DYRK1A: variants seen among roughly 807,000 people sequenced by gnomAD.
DYRK1A encodes dual specificity tyrosine-phosphorylation-regulated kinase 1A.
In DYRK1A, 9 loss-of-function variants were observed where a neutral mutation model predicts 79.7. The ratio of observed to expected loss-of-function variants is 0.11; its 90% CI spans 0.07 to 0.20. The LOEUF (loss-of-function observed/expected upper bound fraction) is 0.20. Among genes scored for constraint, DYRK1A ranks in the 10% least tolerant of loss-of-function variants. The pLI is 1.00. For missense variants in DYRK1A, 622 were observed against 956.0 expected (o/e 0.65, Z 4.61); for synonymous variants, 349 against 329.7 (o/e 1.06, Z -0.63).
At chr21:37,470,145 AAAAT>A (rs1199661055) in intron 2 of DYRK1A, among the ~76,000 whole-genome samples, 1 of 152,168 alleles carries the variant, frequency 6.6e-6, no homozygotes, top group Admixed American at 6.5e-5. Context: ...CTCTGTCTCA[AAAAT>A]AAATAAATAA....
rs2148669997 is a variant in DYRK1A, at chr21:37,516,841, C to T, written c.*4310C>T. 6.6e-6 allele frequency: 1 copy of T among 152,288 alleles called. No individual in the cohort carries two copies. The highest frequency in any genetic ancestry group is 1.9e-4 in the East Asian group (1 of 5,186). The allele number at this position is 152,288 out of a possible 1,614,324, so 9.4% of individuals were successfully genotyped here. On this transcript the variant is annotated 3_prime_UTR_variant, in exon 12 of 12. Coordinates refer to ENST00000647188, the MANE Select transcript of DYRK1A (RefSeq NM_001347721.2). ...TTTGTCAGTATTTATTTCTAATTTC[C>T]TACTTTAAATCTTAGGAGACAAAGT... is the stretch of plus-strand genomic sequence containing the variant.
chr21:37,440,192 G>A (rs562589921), intron 2 of DYRK1A, among the ~76,000 whole-genome samples: 4 of 113,992 alleles, frequency 3.5e-5, no homozygotes, highest in Admixed American at 2.3e-4. Context: ...CTGGAGTGCA[G>A]TGGTGTGATC....
intron 2 of DYRK1A, among the ~76,000 whole-genome samples, chr21:37,464,539 C>T (rs1291803305): frequency 3.3e-5 from 5 of 152,192 alleles, no homozygotes; most frequent in African/African-American, 4.8e-5. Flanking sequence ...TTTGGAACTG[C>T]ACTCCAAATG....
Position 37,512,277 on chromosome 21 carries a change from T to C in DYRK1A, c.2011T>C (p.Tyr671His), listed in dbSNP as rs1019836603. ...SSTGNQGNQA[Y>H]QNRPVAANTL... ...TACTGGTAACCAAGGCAATCAGGCCTACCAGAATCGCCCAGTGGCTGCTAA... is the reference window on the plus strand; with the variant it reads ...TACTGGTAACCAAGGCAATCAGGCCCACCAGAATCGCCCAGTGGCTGCTAA... The change falls in exon 12 of 12, where the codon TAC (tyrosine) becomes CAC (histidine). Residue 671 changes from tyrosine to histidine, a missense_variant. By Grantham distance (83) the Tyr-to-His change is moderately conservative. Around this residue, in one of 5 missense-constraint regions of DYRK1A, gnomAD observed 292 missense variants for 316.7 expected, o/e 0.92. Transcript: ENST00000647188. 6.2e-7 allele frequency: 1 copy of C among 1,614,144 alleles called. No individual in the cohort carries two copies. The highest frequency in any genetic ancestry group is 1.3e-5 in the African/African-American group (1 of 74,938).
chr21:37,502,967 G>C (rs1019268063), intron 9 of DYRK1A: 1 of 152,182 alleles, frequency 6.6e-6, no homozygotes, highest in African/African-American at 2.4e-5. Context: ...GGATTACACT[G>C]TTTCGGTAGA....
chr21:37,499,580 G>T (rs1167786345), intron 9 of DYRK1A, among the ~76,000 whole-genome samples: 3 of 151,944 alleles, frequency 2.0e-5, no homozygotes, highest in African/African-American at 7.3e-5. Flanking sequence ...ATTTATTTAG[G>T]GCTTAAAATC....
intron 1 of DYRK1A, among the ~76,000 whole-genome samples, chr21:37,416,646 G>A (rs997559915): frequency 6.6e-6 from 1 of 152,048 alleles, no homozygotes; most frequent in Admixed American, 6.5e-5. Flanking sequence ...ATAAGAGAAT[G>A]TTAGTTAACT....
intron 3 of DYRK1A, among the ~76,000 whole-genome samples, chr21:37,476,288 T>C (rs1460387465): frequency 6.6e-6 from 1 of 152,338 alleles, no homozygotes; most frequent in Non-Finnish European, 1.5e-5. Flanking sequence ...TCCCTTGAGA[T>C]TGTTGAGGGG....
intron 1 of DYRK1A, among the ~76,000 whole-genome samples, chr21:37,371,131 C>T (rs544862350): frequency 7.2e-5 from 11 of 152,214 alleles, no homozygotes; most frequent in African/African-American, 2.6e-4. Context: ...CTCAGTTGCT[C>T]CCAAATGAAG....
chr21:37,449,642 C>T (rs1043948402), intron 2 of DYRK1A, among the ~76,000 whole-genome samples: 3 of 152,186 alleles, frequency 2.0e-5, no homozygotes, highest in Non-Finnish European at 4.4e-5. Flanking sequence ...AATTAGCAGT[C>T]TCTTTCGTGT....
At chr21:37,378,694 C>G (rs1053329716) in intron 1 of DYRK1A, among the ~76,000 whole-genome samples, 2 of 152,080 alleles carry the variant, frequency 1.3e-5, no homozygotes, top group Non-Finnish European at 2.9e-5. Flanking sequence ...AGATATGAGT[C>G]GTGGTAGAAG....
chr21:37,369,922 A>G (rs537224588), intron 1 of DYRK1A, among the ~76,000 whole-genome samples: 1 of 152,376 alleles, frequency 6.6e-6, no homozygotes, highest in Non-Finnish European at 1.5e-5. Context: ...TAGAGGCAGT[A>G]ACATTTAAGA....
chr21:37,491,861 T>G (rs528897634), intron 7 of DYRK1A, among the ~76,000 whole-genome samples: 82 of 152,348 alleles, frequency 5.4e-4, no homozygotes, highest in African/African-American at 1.7e-3. Context: ...GAGCCAGTTA[T>G]CCCTACAATA....
chr21:37,405,093 G>C (rs1253262993), intron 1 of DYRK1A, among the ~76,000 whole-genome samples: 2 of 152,060 alleles, frequency 1.3e-5, no homozygotes, highest in African/African-American at 4.8e-5. Context: ...CTGTTCCTCT[G>C]ATTATATTTC....
At chr21:37,473,462 A>G (rs1169779634) in intron 3 of DYRK1A, among the ~76,000 whole-genome samples, 1 of 152,280 alleles carries the variant, frequency 6.6e-6, no homozygotes, top group East Asian at 1.9e-4. Context: ...ATGTATGTGT[A>G]TGTATTTTTA....
At chr21:37,436,201 T>C (rs2148465353) in intron 2 of DYRK1A, among the ~76,000 whole-genome samples, 1 of 152,314 alleles carries the variant, frequency 6.6e-6, no homozygotes, top group Non-Finnish European at 1.5e-5. Context: ...GCCCATAGAA[T>C]TTGTGTTAAG....
At chr21:37,381,560 C>T (rs754484593) in intron 1 of DYRK1A, among the ~76,000 whole-genome samples, 8 of 152,178 alleles carry the variant, frequency 5.3e-5, no homozygotes, top group African/African-American at 7.2e-5. Context: ...TTCTAGCCGA[C>T]ACAGTGAAGT....
intron 2 of DYRK1A, among the ~76,000 whole-genome samples, chr21:37,463,160 A>C (rs1032076597): frequency 6.8e-6 from 1 of 147,650 alleles, no homozygotes; most frequent in African/African-American, 2.5e-5. Context: ...TGGGTTGACA[A>C]GCTTGTGTGT....
chr21:37,480,593 C>G (rs2052602696), intron 4 of DYRK1A, 45 bp from the exon 5 acceptor site: 1 of 1,446,998 alleles, frequency 6.9e-7, no homozygotes, highest in Non-Finnish European at 9.3e-7. Flanking sequence ...CCCTTCCTCA[C>G]AGTGATTTAA....
Sources: gnomAD v4.1 joint callset for allele counts (sites outside exome capture counted in the v4.1 genomes callset) on GRCh38, gnomAD v4.1.1 for gene constraint, gnomAD v4.1.1 regional missense constraint, MANE v1.5 for transcripts, NCBI Gene and HGNC (gene_info 2026-07-23, HGNC 2026-07-21) for gene names.